Variants in EYS observed in about 807,000 individuals in gnomAD.
EYS encodes protein eyes shut homolog.
A neutral mutation model predicts 282.1 loss-of-function variants in EYS; 250 were observed. The ratio of observed to expected loss-of-function variants is 0.89; its 90% CI spans 0.80 to 0.98. The LOEUF (loss-of-function observed/expected upper bound fraction) is 0.98. Ranked by LOEUF, EYS falls within the 50% of genes least tolerant of loss-of-function variation. The pLI, the probability that EYS is intolerant of heterozygous loss-of-function variation, is 0.00. For missense variants in EYS, 4,016 were observed against 3,709.0 expected (o/e 1.08, Z -2.15); for synonymous variants, 1,355 against 1,282.9 (o/e 1.06, Z -1.20).
intron 12 of EYS, among the ~76,000 whole-genome samples, chr6:65,098,431 T>C (rs1774800749): frequency 6.6e-6 from 1 of 150,774 alleles, no homozygotes; most frequent in Admixed American, 6.6e-5. Flanking sequence ...TTAAAGTACT[T>C]GTGTAAGCTT....
At position 64,813,469 on chromosome 6, in the gene EYS, T is replaced by G. The variant is rs886061679; in HGVS notation, c.3352A>C (p.Ile1118Leu). ...GYTGAYCEKS[I>L]DNCAEPELNS... is the part of the protein sequence containing the mutation. The stretch of plus-strand genomic sequence containing the variant: ...AGTTCAGGCTCAGCACAATTATCAA[T>G]GCTTTTTTCACAGTATGCACCAGTG... Residue 1118 changes from isoleucine (I) to leucine (L), a missense_variant, in exon 22 of 43, where the codon ATT (isoleucine) becomes CTT (leucine). Coordinates refer to ENST00000503581, the MANE Select transcript of EYS (RefSeq NM_001142800.2). The G allele has an allele frequency of 1.4e-5, 22 of 1,550,334 alleles. No homozygotes were observed. Among genetic ancestry groups the G allele is most frequent in the Non-Finnish European group, 1.9e-5 (22 of 1,146,208 alleles).
intron 37 of EYS, 149 bp downstream of exon 37, chr6:63,806,041 C>T: frequency 1.5e-6 from 1 of 645,806 alleles, no homozygotes; most frequent in Non-Finnish European, 2.6e-6. Flanking sequence ...CTTTGGACTA[C>T]AGCGAACATG....
chr6:64,402,748 A>G (rs60296265), intron 28 of EYS, among the ~76,000 whole-genome samples: 4,723 of 152,284 alleles, frequency 0.031, 230 homozygotes, highest in African/African-American at 0.11. Context: ...GGCAAATTCT[A>G]AAGTAAAGAT....
intron 28 of EYS, among the ~76,000 whole-genome samples, chr6:64,392,723 A>G (rs1773200049): frequency 6.8e-6 from 1 of 146,376 alleles, no homozygotes; most frequent in East Asian, 2.1e-4. Flanking sequence ...AATAACTAGA[A>G]AAGCAAGAGC....
chr6:65,654,738 G>A (rs1049370950), intron 1 of EYS, among the ~76,000 whole-genome samples: 5 of 151,492 alleles, frequency 3.3e-5, no homozygotes, highest in African/African-American at 1.2e-4. Flanking sequence ...AAGGGAAAAA[G>A]AACTAAAATT....
chr6:65,317,865 T>C (rs956001410), intron 11 of EYS, among the ~76,000 whole-genome samples: 45 of 60,330 alleles, frequency 7.5e-4, no homozygotes, highest in South Asian at 4.8e-3. Flanking sequence ...TTTCTTTCTT[T>C]CTTTCTTTCT....
At chr6:64,882,192 T>A (rs1766947220) in intron 19 of EYS, among the ~76,000 whole-genome samples, 1 of 151,712 alleles carries the variant, frequency 6.6e-6, no homozygotes. Context: ...CTCCATTGCG[T>A]CCAGATTAAA....
At chr6:63,813,128 G>T (rs754688692) in intron 36 of EYS, among the ~76,000 whole-genome samples, 1 of 151,890 alleles carries the variant, frequency 6.6e-6, no homozygotes, top group Non-Finnish European at 1.5e-5. Context: ...ACAGGCATCC[G>T]CCACCATGCC....
At chr6:63,879,879 A>C (rs1773081183) in intron 35 of EYS, among the ~76,000 whole-genome samples, 1 of 152,192 alleles carries the variant, frequency 6.6e-6, no homozygotes, top group South Asian at 2.1e-4. Context: ...TATCCCAGCT[A>C]AACCAGGGGT....
chr6:63,785,315 T>G (rs975122292), intron 39 of EYS, among the ~76,000 whole-genome samples: 2 of 152,200 alleles, frequency 1.3e-5, no homozygotes, highest in Non-Finnish European at 2.9e-5. Flanking sequence ...TTATTTTCAC[T>G]TGTGGCCTAA....
At chr6:63,946,046 A>G (rs1009381781) in intron 35 of EYS, among the ~76,000 whole-genome samples, 3 of 152,184 alleles carry the variant, frequency 2.0e-5, no homozygotes, top group African/African-American at 2.4e-5. Context: ...TAAATGTAGA[A>G]TTCCACAGTT....
intron 15 of EYS, among the ~76,000 whole-genome samples, chr6:64,937,473 G>A (rs796656148): frequency 6.6e-6 from 1 of 151,652 alleles, no homozygotes; most frequent in Admixed American, 6.6e-5. Context: ...TCCCAAATGA[G>A]CAAATGATAT....
chr6:64,323,839 A>G (rs1429465764), intron 29 of EYS, among the ~76,000 whole-genome samples: 1 of 152,094 alleles, frequency 6.6e-6, no homozygotes, highest in African/African-American at 2.4e-5. Context: ...ATCCATCCAG[A>G]TCTCCCTCTA....
At chr6:64,968,566 T>C (rs1244017709) in intron 14 of EYS, among the ~76,000 whole-genome samples, 2 of 152,208 alleles carry the variant, frequency 1.3e-5, no homozygotes, top group Non-Finnish European at 2.9e-5. Context: ...TTGCTTTATA[T>C]AGATGCTCGA....
intron 19 of EYS, among the ~76,000 whole-genome samples, chr6:64,826,988 T>G (rs1402178324): frequency 6.6e-6 from 1 of 151,794 alleles, no homozygotes; most frequent in Non-Finnish European, 1.5e-5. Flanking sequence ...TATCAAATAC[T>G]CTCATCTCCT....
chr6:65,059,961 C>A (rs190586471), intron 12 of EYS, among the ~76,000 whole-genome samples: 334 of 152,090 alleles, frequency 2.2e-3, no homozygotes, highest in Middle Eastern at 6.8e-3. Flanking sequence ...AATCAATCAC[C>A]CTGTCCCTCT....
At chr6:65,548,911 G>T (rs1450318563) in intron 2 of EYS, among the ~76,000 whole-genome samples, 3 of 152,178 alleles carry the variant, frequency 2.0e-5, no homozygotes, top group African/African-American at 7.2e-5. Context: ...TGGCACCTGG[G>T]ACCAGTTTCC....
rs1332985523 is a variant in EYS at position 65,052,929 on chromosome 6, A to T, written c.2137+4685T>A. Reference sequence around the variant, plus strand: ...TATTTTCCACATTTATTTGTTTTTTAAAAAATGAAGAAAAAAGATTCTACA... The same window carrying T: ...TATTTTCCACATTTATTTGTTTTTTTAAAAATGAAGAAAAAAGATTCTACA... On this transcript the variant is annotated intron_variant, in intron 13 of 42. Transcript: ENST00000503581. Among the ~76,000 whole-genome samples, 3 of 151,754 alleles carry T rather than the reference A, an allele frequency of 2.0e-5. No homozygotes were observed. In the East Asian group the frequency reaches 5.8e-4, roughly 29 times the overall value.
At chr6:64,940,793 G>T (rs923045420) in intron 15 of EYS, among the ~76,000 whole-genome samples, 3 of 151,932 alleles carry the variant, frequency 2.0e-5, no homozygotes, top group African/African-American at 4.8e-5. Flanking sequence ...TGAACAGTCT[G>T]CACCTTATAA....
Sources: allele counts gnomAD v4.1 joint callset (sites outside exome capture counted in the v4.1 genomes callset), GRCh38; gene constraint gnomAD v4.1.1; transcripts MANE v1.5; gene names NCBI Gene and HGNC (gene_info 2026-07-23, HGNC 2026-07-21).